The following KDF1 variants were observed in gnomAD, a reference collection of about 807,000 sequenced individuals.
KDF1 encodes the protein keratinocyte differentiation factor 1.
In KDF1, 11 loss-of-function variants were observed where a neutral mutation model predicts 31.6. The ratio of observed to expected loss-of-function variants is 0.35; its 90% CI spans 0.22 to 0.58. The LOEUF is 0.58. Ranked by LOEUF, KDF1 falls within the 20% of genes least tolerant of loss-of-function variation. The probability of loss-of-function intolerance (pLI) is 0.83; values close to 1 mark genes in which losing one functional copy is unlikely to be tolerated. For synonymous variants in KDF1, 205 were observed against 214.4 expected, an observed-to-expected ratio of 0.96 and a Z score of 0.38; for missense variants, 476 against 549.1, an observed-to-expected ratio of 0.87 and a Z score of 1.33.
At chr1:26,953,397 A>G (rs1400997419) in intron 1 of KDF1, among the ~76,000 whole-genome samples, 2 of 152,340 alleles carry the variant, frequency 1.3e-5, no homozygotes, top group East Asian at 3.9e-4. Flanking sequence ...CACACGACCC[A>G]GCAATTCCAC....
rs140406611 is a variant in KDF1 at position 26,950,669 on chromosome 1, G to A, written c.1114+13C>T. The A allele has an allele frequency of 1.2e-6, 2 of 1,613,096 alleles. No individual in the cohort carries two copies. Among genetic ancestry groups the A allele is most frequent in the Admixed American group, 1.7e-5 (1 of 59,996 alleles). On this transcript the variant is annotated intron_variant, in intron 3 of 3. Transcript: ENST00000320567. This position sits in a 1 kb window ranked among gnomAD's most constrained non-coding sequence, Gnocchi z 4.0. ...CCCCACCCTCCACACCCCTCATTAGGTCAAGACCACACCTGGAGCTCCATA... is the reference window on the plus strand; with the variant it reads ...CCCCACCCTCCACACCCCTCATTAGATCAAGACCACACCTGGAGCTCCATA...
In KDF1 at chr1:26,951,371, G is replaced by A. The variant is rs1161711556; in HGVS notation, c.1010C>T (p.Thr337Ile). The A allele has an allele frequency of 6.3e-7, 1 of 1,594,014 alleles. No homozygotes were observed. Among genetic ancestry groups the A allele is most frequent in the Admixed American group, 1.7e-5 (1 of 58,578 alleles). Residue 337 changes from threonine (T) to isoleucine (I), a missense_variant, in exon 2 of 4, where the codon ACC becomes ATC. Thr to Ile is a moderately conservative substitution (Grantham distance 89). Around this residue, in one of 2 missense-constraint regions of KDF1, gnomAD observed 146 missense variants for 216.8 expected, o/e 0.67. Transcript: ENST00000320567. This position sits in a 1 kb window ranked among gnomAD's most constrained non-coding sequence, Gnocchi z 5.4. ...TAAAPDSGHE[T>I]MVGSGLSQDE... ...CTGGCTGAGACCTGAGCCCACCATG[G>A]TCTCATGGCCACTGTCAGGGGCAGC...
In KDF1 at chr1:26,951,494, C is replaced by T. The variant is rs1356645212; in HGVS notation, c.887G>A (p.Arg296His). 6 of 1,613,546 alleles carry T rather than the reference C, an allele frequency of 3.7e-6. No individual in the cohort carries two copies. Among genetic ancestry groups the T allele is most frequent in the Non-Finnish European group, 5.1e-6 (6 of 1,179,592 alleles). Residue 296 changes from arginine (R) to histidine (H), a missense_variant, in exon 2 of 4, where the codon CGC becomes CAC. Arg to His is a conservative substitution (Grantham distance 29). Transcript: ENST00000320567. This position sits in a 1 kb window ranked among gnomAD's most constrained non-coding sequence, Gnocchi z 5.4. ...YHLDEQDAEG[R>H]LVRGIIRIST... ...AATGCGAATGATGCCGCGTACCAGGCGGCCCTCAGCATCCTGCTCATCCAG... is the reference window on the plus strand; with the variant it reads ...AATGCGAATGATGCCGCGTACCAGGTGGCCCTCAGCATCCTGCTCATCCAG...
chr1:26,959,153 C>T lies in KDF1; in HGVS notation c.-33+1197G>A, dbSNP rs1236884944. Among the ~76,000 whole-genome samples, 5 of 152,284 alleles carry T rather than the reference C, an allele frequency of 3.3e-5. No individual in the cohort carries two copies. The East Asian group carries it at 9.6e-4, about 29-fold the overall frequency. On this transcript the variant is annotated intron_variant, in intron 1 of 3. Coordinates refer to ENST00000320567, the MANE Select transcript of KDF1 (RefSeq NM_152365.3). ...CTGGAGTAAGATTTGCACTGTGGCC[C>T]GCCAGGCTCTGAAGCCTGCGTACTT...
At position 26,950,881 on chromosome 1, in the gene KDF1, C is replaced by T; in HGVS notation, c.1040-125G>A. 2 of 811,578 alleles carry T rather than the reference C, an allele frequency of 2.5e-6. No individual in the cohort carries two copies. Among genetic ancestry groups the T allele is most frequent in the Non-Finnish European group, 4.1e-6 (2 of 489,824 alleles). 50.3% of individuals were successfully genotyped at this position (811,578 alleles called of 1,614,324 possible). ...CCTGGGCAGGGCTAGAAAAATAATGCTTAAAGACAGAGACATAGACAACGT... is the reference window on the plus strand; with the variant it reads ...CCTGGGCAGGGCTAGAAAAATAATGTTTAAAGACAGAGACATAGACAACGT... On this transcript the variant is annotated intron_variant, in intron 2 of 3. Coordinates refer to ENST00000320567, the MANE Select transcript of KDF1 (RefSeq NM_152365.3). This position sits in a 1 kb window ranked among gnomAD's most constrained non-coding sequence, Gnocchi z 4.0.
At chr1:26,955,053 T>C (rs565611939) in intron 1 of KDF1, among the ~76,000 whole-genome samples, 5 of 151,882 alleles carry the variant, frequency 3.3e-5, no homozygotes, top group African/African-American at 1.2e-4. Context: ...AGATGGGGTT[T>C]CGCCATGTTG....
At chr1:26,954,880 A>G (rs1179228034) in intron 1 of KDF1, among the ~76,000 whole-genome samples, 7 of 136,074 alleles carry the variant, frequency 5.1e-5, no homozygotes, top group Admixed American at 3.0e-4. Flanking sequence ...TTTTTTTGAG[A>G]TGGAGTCTCG....
chr1:26,953,354 G>A (rs768364788), intron 1 of KDF1, among the ~76,000 whole-genome samples: 6 of 152,172 alleles, frequency 3.9e-5, no homozygotes, highest in African/African-American at 4.8e-5. Context: ...AAAACAGTAC[G>A]GTGGTTCCTC....
Position 26,950,277 on chromosome 1 carries a change from G to A in KDF1, c.1115-126C>T, listed in dbSNP as rs992879089. On this transcript the variant is annotated intron_variant, in intron 3 of 3. Coordinates refer to ENST00000320567, the MANE Select transcript of KDF1 (RefSeq NM_152365.3). This position sits in a 1 kb window ranked among gnomAD's most constrained non-coding sequence, Gnocchi z 4.0. ...CTTGAGCCTGGGTCAGTCTGATCCT[G>A]GCTGGATGACCCACTCAGTTTATTG... The A allele has an allele frequency of 3.6e-6, 3 of 837,460 alleles. No homozygotes were observed. Among genetic ancestry groups the A allele is most frequent in the African/African-American group, 1.7e-5 (1 of 59,720 alleles). The allele number at this position is 837,460 out of a possible 1,614,324, so 51.9% of individuals were successfully genotyped here. A position where few individuals can be genotyped will look rare whatever the true frequency, so the allele number is the denominator to read the frequency against.
In KDF1 at chr1:26,952,941, G is replaced by A. The variant is rs374359362; in HGVS notation, c.-32-529C>T. Among the ~76,000 whole-genome samples the A allele has an allele frequency of 6.5e-4, 99 of 151,348 alleles. 2 individuals are homozygous for A. In the South Asian group the frequency reaches 0.02, roughly 30 times the overall value. Reference sequence around the variant, plus strand: ...AGAGGTTGCAGTGAGCCAAGATCACGCCATTGCACTCCAGCCTGGGCAACA... The same window carrying A: ...AGAGGTTGCAGTGAGCCAAGATCACACCATTGCACTCCAGCCTGGGCAACA... On this transcript the variant is annotated intron_variant, in intron 1 of 3. Coordinates refer to ENST00000320567, the MANE Select transcript of KDF1 (RefSeq NM_152365.3). This position sits in a 1 kb window ranked among gnomAD's most constrained non-coding sequence, Gnocchi z 4.1.
At position 26,952,360 on chromosome 1, in the gene KDF1, G is replaced by A; in HGVS notation, c.21C>T (p.Pro7=). Residue 7 remains proline (P), a synonymous_variant, in exon 2 of 4, where the codon CCC becomes CCT. Transcript: ENST00000320567. The surrounding 1 kb of genome is among the most constrained non-coding windows in gnomAD (Gnocchi z 4.1). Reference sequence around the variant, plus strand: ...AGCGTGGAGGCCCAGATGCTGGGCGGGGGTGTCCAGGGCGGGGCATGGCTC... The same window carrying A: ...AGCGTGGAGGCCCAGATGCTGGGCGAGGGTGTCCAGGGCGGGGCATGGCTC... MPRPGH[P]RPASGPPRLG... is the part of the protein sequence containing the mutation. The A allele has an allele frequency of 1.3e-6, 2 of 1,512,068 alleles. No homozygotes were observed. The highest frequency in any genetic ancestry group is 2.6e-5 in the South Asian group (2 of 75,674). The allele number at this position is 1,512,068 out of a possible 1,614,324, so 93.7% of individuals were successfully genotyped here. A position where few individuals can be genotyped will look rare whatever the true frequency, so the allele number is the denominator to read the frequency against.
intron 1 of KDF1, among the ~76,000 whole-genome samples, chr1:26,954,027 G>C (rs1235448904): frequency 6.6e-6 from 1 of 151,644 alleles, no homozygotes; most frequent in Non-Finnish European, 1.5e-5. Flanking sequence ...CAAATTCATA[G>C]AGACACAAAG....
At position 26,950,261 on chromosome 1, in the gene KDF1, G is replaced by T; in HGVS notation, c.1115-110C>A. On this transcript the variant is annotated intron_variant, in intron 3 of 3. Transcript: ENST00000320567. This position sits in a 1 kb window ranked among gnomAD's most constrained non-coding sequence, Gnocchi z 4.0. ...AAGGAGCAGAGTGGGACTTGAGCCT[G>T]GGTCAGTCTGATCCTGGCTGGATGA... 1.0e-6 allele frequency: 1 copy of T among 1,000,370 alleles called. No individual in the cohort carries two copies. The highest frequency in any genetic ancestry group is 1.6e-6 in the Non-Finnish European group (1 of 639,796). 62.0% of individuals were successfully genotyped at this position (1,000,370 alleles called of 1,614,324 possible).
At chr1:26,955,516 G>A (rs1385224732) in intron 1 of KDF1, among the ~76,000 whole-genome samples, 1 of 152,214 alleles carries the variant, frequency 6.6e-6, no homozygotes, top group Non-Finnish European at 1.5e-5. Context: ...CTGGTTGCTA[G>A]GAAGCTCAGA....
At position 26,952,824 on chromosome 1, in the gene KDF1, T is replaced by TA. The variant is rs1451496904; in HGVS notation, c.-32-413dup. 6.6e-6 allele frequency among the ~76,000 whole-genome samples: 1 copy of TA among 151,496 alleles called. No homozygotes were observed. Among genetic ancestry groups the TA allele is most frequent in the Non-Finnish European group, 1.5e-5 (1 of 67,862 alleles). The stretch of plus-strand genomic sequence containing the variant: ...GGTGAAACTCCGTCTCTACTAAAAA[T>TA]ACAAAAAAAATTAGCCAGGTATAGT... On this transcript the variant is annotated intron_variant, in intron 1 of 3. Transcript: ENST00000320567. This position sits in a 1 kb window ranked among gnomAD's most constrained non-coding sequence, Gnocchi z 4.1.
At chr1:26,953,861 G>A (rs573887914) in intron 1 of KDF1, among the ~76,000 whole-genome samples, 1 of 152,046 alleles carries the variant, frequency 6.6e-6, no homozygotes, top group African/African-American at 2.4e-5. Flanking sequence ...GGACTGAGGT[G>A]GGAGGACCAC....
Position 26,952,007 on chromosome 1 carries a change from G to A in KDF1, c.374C>T (p.Ala125Val). Residue 125 changes from alanine to valine, a missense_variant, in exon 2 of 4, where the codon GCC (alanine) becomes GTC (valine). This residue lies in a region of KDF1 where 330 missense variants were observed against 332.3 expected (regional missense o/e 0.99). Coordinates refer to ENST00000320567, the MANE Select transcript of KDF1 (RefSeq NM_152365.3). This position sits in a 1 kb window ranked among gnomAD's most constrained non-coding sequence, Gnocchi z 4.1. ...TEDSTEGTAE[A>V]NWAKEHNGVP... The stretch of plus-strand genomic sequence containing the variant: ...TCCATTGTGCTCCTTGGCCCAGTTG[G>A]CTTCAGCAGTCCCCTCAGTGGAGTC... 6.2e-7 allele frequency: 1 copy of A among 1,612,890 alleles called. No homozygotes were observed. Among genetic ancestry groups the A allele is most frequent in the African/African-American group, 1.3e-5 (1 of 75,044 alleles).
Position 26,952,349 on chromosome 1 carries a change from G to A in KDF1, c.32C>T (p.Ser11Phe). 6.6e-7 allele frequency: 1 copy of A among 1,516,538 alleles called. No homozygotes were observed. The highest frequency in any genetic ancestry group is 8.8e-7 in the Non-Finnish European group (1 of 1,134,306). The allele number at this position is 1,516,538 out of a possible 1,614,324, so 93.9% of individuals were successfully genotyped here. ...CCACGGTCCCAAGCGTGGAGGCCCA[G>A]ATGCTGGGCGGGGGTGTCCAGGGCG... is the stretch of plus-strand genomic sequence containing the variant. MPRPGHPRPA[S>F]GPPRLGPWER... The change falls in exon 2 of 4, where the codon TCT becomes TTT. Residue 11 changes from serine to phenylalanine, a missense_variant. Around this residue, in one of 2 missense-constraint regions of KDF1, gnomAD observed 330 missense variants for 332.3 expected, o/e 0.99. Coordinates refer to ENST00000320567, the MANE Select transcript of KDF1 (RefSeq NM_152365.3). This position sits in a 1 kb window ranked among gnomAD's most constrained non-coding sequence, Gnocchi z 4.1.
Position 26,951,926 on chromosome 1 carries a change from T to C in KDF1, c.455A>G (p.Lys152Arg). ...GCTGAAGCTGCTGCCCATGGTTGACTTGAGCCGCTGGCCATCCCGCCGGCT... is the reference window on the plus strand; with the variant it reads ...GCTGAAGCTGCTGCCCATGGTTGACCTGAGCCGCTGGCCATCCCGCCGGCT... ...PPSRRDGQRL[K>R]STMGSSFSYP... Residue 152 changes from lysine (K) to arginine (R), a missense_variant, in exon 2 of 4, where the codon AAG (lysine) becomes AGG (arginine). By Grantham distance (26) the Lys-to-Arg change is conservative (BLOSUM62 2). Around this residue, in one of 2 missense-constraint regions of KDF1, gnomAD observed 330 missense variants for 332.3 expected, o/e 0.99. Transcript: ENST00000320567. This position sits in a 1 kb window ranked among gnomAD's most constrained non-coding sequence, Gnocchi z 5.4. 7 of 1,605,270 alleles carry C rather than the reference T, an allele frequency of 4.4e-6. No homozygotes were observed. The highest frequency in any genetic ancestry group is 6.0e-6 in the Non-Finnish European group (7 of 1,174,076).
Sources: allele counts gnomAD v4.1 joint callset (sites outside exome capture counted in the v4.1 genomes callset), GRCh38; gene constraint gnomAD v4.1.1; regional missense constraint gnomAD v4.1.1; non-coding constraint Gnocchi (gnomAD v3.1); transcripts MANE v1.5; gene names NCBI Gene and HGNC (gene_info 2026-07-23, HGNC 2026-07-21).